The following ARSD variants were observed in gnomAD, a reference collection of about 807,000 sequenced individuals.
The protein encoded by ARSD is arylsulfatase D, also known as testis tissue sperm-binding protein Li 39a.
A neutral mutation model predicts 32.6 loss-of-function variants in ARSD; 21 were observed. The observed-to-expected ratio is 0.64, with a 90% CI of 0.46 to 0.93. The LOEUF is 0.93. Among genes scored for constraint, ARSD ranks in the 40% least tolerant of loss-of-function variants. The pLI, the probability that ARSD is intolerant of heterozygous loss-of-function variation, is 0.00. For synonymous variants in ARSD, 224 were observed against 237.4 expected (o/e 0.94, Z 0.52); for missense variants, 454 against 520.9 (o/e 0.87, Z 1.25).
At chrX:2,928,462 G>T (rs1196881764) in intron 1 of ARSD, among the ~76,000 whole-genome samples, 2 of 76,936 alleles carry the variant, frequency 2.6e-5, no homozygotes, top group African/African-American at 1.0e-4. Context: ...AGTGGGATGA[G>T]GGGGAGGGCA....
Position 2,907,535 on chromosome X carries a change from CT to C in ARSD, c.1517del (p.Glu506GlyfsTer3). 1 of 1,180,805 alleles carries C rather than the reference CT, an allele frequency of 8.5e-7. No homozygotes were observed. Among genetic ancestry groups the C allele is most frequent in the Non-Finnish European group, 1.1e-6 (1 of 878,849 alleles). On this transcript the variant is annotated frameshift_variant, in exon 10 of 10. Transcript: ENST00000381154. LOFTEE classifies it low-confidence loss of function (END_TRUNC). ...AAGGGGGTCTGTGATGGGTCACGCCCTCCCCGGAGCATGGGCAGACGCCTCG... is the reference window on the plus strand; with the variant it reads ...AAGGGGGTCTGTGATGGGTCACGCCCCCCCGGAGCATGGGCAGACGCCTCG... ...YGRGVCPCSGEGVTHHRPPLL... is the reference protein window; with the variant it reads ...YGRGVCPCSGXGVTHHRPPLL...
chrX:2,929,166 C>G (rs1196892332), intron 1 of ARSD, 66 bp downstream of exon 1: 3 of 973,342 alleles, frequency 3.1e-6, no homozygotes, highest in Middle Eastern at 3.3e-4. Context: ...TCGCCGTGCT[C>G]GCGACCCCCT....
At chrX:2,925,312 G>A (rs752757989) in intron 2 of ARSD, among the ~76,000 whole-genome samples, 7 of 112,691 alleles carry the variant, frequency 6.2e-5, no homozygotes, top group African/African-American at 2.2e-4. Context: ...GGAAAGTCCG[G>A]AAGGATCCTC....
intron 1 of ARSD, among the ~76,000 whole-genome samples, chrX:2,927,910 G>A (rs749433452): frequency 1.8e-5 from 2 of 111,800 alleles, no homozygotes; most frequent in Non-Finnish European, 3.8e-5. Flanking sequence ...AAACTTCTAG[G>A]GGGTATTTGG....
rs750818780 is a variant in ARSD, at chrX:2,907,762, A to G, written c.1421-130T>C. 82 of 1,044,677 alleles carry G rather than the reference A, an allele frequency of 7.8e-5. No individual in the cohort carries two copies. In the East Asian group the frequency reaches 2.8e-3, roughly 36 times the overall value. The allele number at this position is 1,044,677 out of a possible 1,213,427, so 86.1% of individuals were successfully genotyped here. ...GTGAAAAGGAGGAGGGACACGAGGC[A>G]GTCCACACAATCACAGCCTTCAGCT... On this transcript the variant is annotated intron_variant, in intron 9 of 9. Coordinates refer to ENST00000381154, the MANE Select transcript of ARSD (RefSeq NM_001669.4).
Position 2,914,424 on chromosome X carries a change from G to T in ARSD, c.1000+1132C>A, listed in dbSNP as rs1273907896. ...TTTAAATTTTTTGTAGAGATGGGGG[G>T]GGGGGGCGTCTCACTATGTTGCCCA... On this transcript the variant is annotated intron_variant, in intron 6 of 9. Coordinates refer to ENST00000381154, the MANE Select transcript of ARSD (RefSeq NM_001669.4). 6.2e-5 allele frequency: 31 copies of T among 501,905 alleles called. No individual in the cohort carries two copies. The East Asian group carries it at 1.2e-3, about 19-fold the overall frequency. 41.4% of individuals were successfully genotyped at this position (501,905 alleles called of 1,213,427 possible). A position where few individuals can be genotyped will look rare whatever the true frequency, so the allele number is the denominator to read the frequency against.
At chrX:2,908,323 TTATC>T (rs934347622) in intron 9 of ARSD, among the ~76,000 whole-genome samples, 1 of 111,253 alleles carries the variant, frequency 9.0e-6, no homozygotes, top group African/African-American at 3.3e-5. Context: ...ATCATGTATC[TTATC>T]TATCATCTAT....
intron 6 of ARSD, among the ~76,000 whole-genome samples, chrX:2,911,288 G>A (rs1194602601): frequency 9.1e-6 from 1 of 110,108 alleles, no homozygotes; most frequent in Non-Finnish European, 1.9e-5. Flanking sequence ...CAGGAGAATC[G>A]CTTGAACCCA....
At chrX:2,921,730 ATG>A (rs1310493077) in intron 3 of ARSD, among the ~76,000 whole-genome samples, 171 bp downstream of exon 3, 1 of 112,702 alleles carries the variant, frequency 8.9e-6, no homozygotes, top group African/African-American at 3.2e-5. Flanking sequence ...CACAACTTTT[ATG>A]TGTATGCACA....
chrX:2,914,676 G>C (rs769836470), intron 6 of ARSD: 18 of 1,027,437 alleles, frequency 1.8e-5, no homozygotes, highest in Non-Finnish European at 2.3e-5. Flanking sequence ...AGGGTTTCTT[G>C]AAGGCCATAG....
At position 2,929,329 on chromosome X, in the gene ARSD, G is replaced by A. The variant is rs3747396; in HGVS notation, c.-54C>T. ...CTTGCCCTGCGCACTCCGCGCCCGG[G>A]CGCCGCTAGTGCCAAGGCTTCCGCC... On this transcript the variant is annotated 5_prime_UTR_variant, in exon 1 of 10. Coordinates refer to ENST00000381154, the MANE Select transcript of ARSD (RefSeq NM_001669.4). 0.033 allele frequency: 30,127 copies of A among 914,801 alleles called. 3,455 individuals carry two copies. The East Asian group carries it at 0.56, about 17-fold the overall frequency. The allele number at this position is 914,801 out of a possible 1,213,427, so 75.4% of individuals were successfully genotyped here. A position where few individuals can be genotyped will look rare whatever the true frequency, so the allele number is the denominator to read the frequency against.
At chrX:2,924,496 G>A (rs957852539) in intron 2 of ARSD, among the ~76,000 whole-genome samples, 55 of 113,421 alleles carry the variant, frequency 4.8e-4, no homozygotes, top group Non-Finnish European at 9.2e-4. Flanking sequence ...GGAATAAGGA[G>A]CTTTCTCACC....
chrX:2,904,486 G>A lies in ARSD; in HGVS notation c.*2785C>T, dbSNP rs1041955104. The A allele has an allele frequency of 3.6e-5, 4 of 112,027 alleles. No homozygotes were observed. Among genetic ancestry groups the A allele is most frequent in the East Asian group, 2.8e-4 (1 of 3,546 alleles). The allele number at this position is 112,027 out of a possible 1,213,427, so 9.2% of individuals were successfully genotyped here. The stretch of plus-strand genomic sequence containing the variant: ...AAAGTCCAAAGATGCACTCACAGGA[G>A]CCCGTTAGTCAACTGAAGCTGGTTC... On this transcript the variant is annotated 3_prime_UTR_variant, in exon 10 of 10. Transcript: ENST00000381154.
At chrX:2,915,099 C>G (rs5982613) in intron 6 of ARSD, among the ~76,000 whole-genome samples, 11,314 of 111,468 alleles carry the variant, frequency 0.1, 677 homozygotes, top group East Asian at 0.54. Context: ...TTTTGAATTC[C>G]TGACCTCAAG....
At chrX:2,928,430 G>C (rs2089109873) in intron 1 of ARSD, among the ~76,000 whole-genome samples, 2 of 96,676 alleles carry the variant, frequency 2.1e-5, no homozygotes, top group African/African-American at 7.7e-5. Context: ...ATGGGGTCTG[G>C]GGGAAGGACG....
chrX:2,913,606 T>C (rs1207066392), intron 6 of ARSD: 33 of 1,005,744 alleles, frequency 3.3e-5, no homozygotes, highest in African/African-American at 2.4e-4. Flanking sequence ...TGCAGCCTCG[T>C]TGGTCCTCTC....
At chrX:2,918,968 T>A (rs771809788) in intron 4 of ARSD, among the ~76,000 whole-genome samples, 7 of 106,882 alleles carry the variant, frequency 6.5e-5, no homozygotes, top group African/African-American at 2.4e-4. Flanking sequence ...GCAAAAAAAA[T>A]TAGCCAGGCA....
chrX:2,909,401 T>A (rs2088881955), intron 8 of ARSD, among the ~76,000 whole-genome samples: 1 of 111,369 alleles, frequency 9.0e-6, no homozygotes, highest in African/African-American at 3.3e-5. Context: ...TTGGCCAGGC[T>A]GGTCTCGAAT....
chrX:2,908,099 CATCT>C (rs1044448404), intron 9 of ARSD: 36 of 291,735 alleles, frequency 1.2e-4, no homozygotes, highest in Admixed American at 1.8e-4. Context: ...CCATCGATCT[CATCT>C]ATCTACCATT....
Sources: allele counts gnomAD v4.1 joint callset (sites outside exome capture counted in the v4.1 genomes callset), GRCh38; gene constraint gnomAD v4.1.1; transcripts MANE v1.5; gene names NCBI Gene and HGNC (gene_info 2026-07-23, HGNC 2026-07-21).